The following SHPK variants were observed in gnomAD, a reference collection of about 807,000 sequenced individuals.
SHPK encodes carbohydrate kinase-like protein.
A neutral mutation model predicts 46.3 loss-of-function variants in SHPK; 51 were observed. The ratio of observed to expected loss-of-function variants is 1.10; its 90% CI spans 0.88 to 1.39. The LOEUF (loss-of-function observed/expected upper bound fraction) is 1.39. SHPK is among the 40% of genes most tolerant of loss of function. The pLI is 0.00. For synonymous variants in SHPK, 290 were observed against 273.9 expected, an observed-to-expected ratio of 1.06 and a Z score of -0.58; for missense variants, 668 against 641.3, an observed-to-expected ratio of 1.04 and a Z score of -0.45.
chr17:3,610,809 C>T lies in SHPK; in HGVS notation c.1188G>A (p.Gly396=), dbSNP rs763280158. The T allele has an allele frequency of 6.2e-7, 1 of 1,614,170 alleles. No individual in the cohort carries two copies. Among genetic ancestry groups the T allele is most frequent in the Non-Finnish European group, 8.5e-7 (1 of 1,180,028 alleles). The change falls in exon 7 of 7, where the codon GGG becomes GGA. Residue 396 remains glycine, a synonymous_variant. Coordinates refer to ENST00000225519, the MANE Select transcript of SHPK (RefSeq NM_013276.4). ...CTCGGCACAGAGCCCGGGTCACGTGCCCCAGGGAGAGGTCGGAGGAGGAGA... is the reference window on the plus strand; with the variant it reads ...CTCGGCACAGAGCCCGGGTCACGTGTCCCAGGGAGAGGTCGGAGGAGGAGA... ...TRISSSDLSL[G]HVTRALCRGI...
In SHPK at chr17:3,623,343, C is replaced by G. The variant is rs150857; in HGVS notation, c.643G>C (p.Glu215Gln). Residue 215 changes from glutamate to glutamine, a missense_variant, in exon 4 of 7, where the codon GAG (glutamate) becomes CAG (glutamine). Glu to Gln is a conservative substitution (Grantham distance 29). Transcript: ENST00000225519. The part of the protein sequence containing the change: ...FNTQSQSWNV[E>Q]TLRSSGFPVH... The stretch of plus-strand genomic sequence containing the variant: ...CTGCAAGGATGTGATACTCACGTCT[C>G]TACGTTCCAGCTTTGGCTCTGCGTG... 7 of 1,613,880 alleles carry G rather than the reference C, an allele frequency of 4.3e-6. No individual in the cohort carries two copies. In the Admixed American group the frequency reaches 8.3e-5, roughly 19 times the overall value.
In SHPK at chr17:3,609,811, C is replaced by G. The variant is rs1488597541; in HGVS notation, c.*749G>C. 6.6e-6 allele frequency: 1 copy of G among 152,526 alleles called. No individual in the cohort carries two copies. Among genetic ancestry groups the G allele is most frequent in the East Asian group, 1.9e-4 (1 of 5,202 alleles). The allele number at this position is 152,526 out of a possible 1,614,324, so 9.4% of individuals were successfully genotyped here. A position where few individuals can be genotyped will look rare whatever the true frequency, so the allele number is the denominator to read the frequency against. On this transcript the variant is annotated 3_prime_UTR_variant, in exon 7 of 7. Transcript: ENST00000225519. Reference sequence around the variant, plus strand: ...TGGTGTGAGCTGCACAGCATCGGTCCCCCTTGCTGCTCATGCCATCCGCCT... The same window carrying G: ...TGGTGTGAGCTGCACAGCATCGGTCGCCCTTGCTGCTCATGCCATCCGCCT...
chr17:3,620,976 C>T (rs1391913438), intron 5 of SHPK, among the ~76,000 whole-genome samples: 2 of 152,196 alleles, frequency 1.3e-5, no homozygotes, highest in Non-Finnish European at 2.9e-5. Flanking sequence ...TAGAAAGAGC[C>T]GTTTCTCTCA....
At position 3,623,276 on chromosome 17, in the gene SHPK, T is replaced by C; in HGVS notation, c.647+63A>G. On this transcript the variant is annotated intron_variant, in intron 4 of 6. Transcript: ENST00000225519. The stretch of plus-strand genomic sequence containing the variant: ...GATGGGAAAGCACCCACTGAAGCAC[T>C]GGCTCCGGGGTTGCCCTTCAGATTG... 8 of 1,584,116 alleles carry C rather than the reference T, an allele frequency of 5.1e-6. No individual in the cohort carries two copies. In the South Asian group the frequency reaches 7.8e-5, roughly 15 times the overall value.
chr17:3,630,442 G>C (rs1024691233), intron 1 of SHPK, 96 bp from the exon 2 acceptor site: 1 of 1,288,286 alleles, frequency 7.8e-7, no homozygotes, highest in East Asian at 2.5e-5. Context: ...AATGCAGTGG[G>C]CAGCATCCAC....
In SHPK at chr17:3,608,622, T is replaced by C. The variant is rs2075315763; in HGVS notation, c.*1938A>G. On this transcript the variant is annotated 3_prime_UTR_variant, in exon 7 of 7. Coordinates refer to ENST00000225519, the MANE Select transcript of SHPK (RefSeq NM_013276.4). ...GGAACTGTTTGAAGAATTTTCCATTTAATATTGTCAGACCGTGGTTGACCG... is the reference window on the plus strand; with the variant it reads ...GGAACTGTTTGAAGAATTTTCCATTCAATATTGTCAGACCGTGGTTGACCG... 6.6e-6 allele frequency: 1 copy of C among 152,204 alleles called. No individual in the cohort carries two copies. The allele number at this position is 152,204 out of a possible 1,614,324, so 9.4% of individuals were successfully genotyped here.
At chr17:3,624,841 G>A (rs2150872359) in intron 2 of SHPK, among the ~76,000 whole-genome samples, 1 of 152,176 alleles carries the variant, frequency 6.6e-6, no homozygotes, top group East Asian at 1.9e-4. Context: ...TTTCAGTAGA[G>A]ACAGGGTTTC....
At position 3,610,752 on chromosome 17, in the gene SHPK, C is replaced by T. The variant is rs768549210; in HGVS notation, c.1245G>A (p.Pro415=). The T allele has an allele frequency of 1.1e-5, 18 of 1,614,132 alleles. No individual in the cohort carries two copies. The highest frequency in any genetic ancestry group is 5.5e-5 in the South Asian group (5 of 91,078). Residue 415 remains proline (P), a synonymous_variant, in exon 7 of 7, where the codon CCG becomes CCA. Transcript: ENST00000225519. ...CGCCCCACTCCTGGAGCTGCTGAAT[C>T]GGAAGCATGGAGTGCAGGTTCTGAA... ...GIVQNLHSML[P]IQQLQEWGVE... is the part of the protein sequence containing the mutation.
intron 5 of SHPK, chr17:3,619,612 A>G: frequency 2.6e-6 from 1 of 388,320 alleles, no homozygotes. Flanking sequence ...GTGCGCCTGT[A>G]GTCCCATCTA....
chr17:3,610,564 G>C lies in SHPK; in HGVS notation c.1433C>G (p.Ser478Cys). 6.3e-7 allele frequency: 1 copy of C among 1,596,414 alleles called. No individual in the cohort carries two copies. Reference protein sequence around the residue: ...MLRRHLNQKES With the variant: ...MLRRHLNQKEC Reference sequence around the variant, plus strand: ...TTTGGCGAAAGAGTTTGCTGTCTAAGATTCCTTCTGGTTGAGGTGTCTCCG... The same window carrying C: ...TTTGGCGAAAGAGTTTGCTGTCTAACATTCCTTCTGGTTGAGGTGTCTCCG... The change falls in exon 7 of 7, where the codon TCT becomes TGT. Residue 478 changes from serine to cysteine, a missense_variant. Ser to Cys is a moderately radical substitution (Grantham distance 112, BLOSUM62 -1). Transcript: ENST00000225519.
chr17:3,619,280 A>C, intron 5 of SHPK: 1 of 797,606 alleles, frequency 1.3e-6, no homozygotes, highest in Non-Finnish European at 2.1e-6. Flanking sequence ...CTTTTTCAAT[A>C]AACGTGGCCA....
intron 2 of SHPK, among the ~76,000 whole-genome samples, chr17:3,624,779 G>A (rs1171389531): frequency 2.6e-5 from 4 of 151,880 alleles, no homozygotes; most frequent in African/African-American, 9.7e-5. Context: ...TCAGCCTCCC[G>A]AGTAGCTGAG....
intron 1 of SHPK, among the ~76,000 whole-genome samples, chr17:3,635,820 G>A (rs1446970855): frequency 6.6e-6 from 1 of 152,068 alleles, no homozygotes; most frequent in East Asian, 1.9e-4. Flanking sequence ...AGAAGCCAGA[G>A]AGTCGGGGAG....
intron 2 of SHPK, among the ~76,000 whole-genome samples, chr17:3,627,149 G>C (rs552486450): frequency 6.6e-6 from 1 of 152,176 alleles, no homozygotes; most frequent in South Asian, 2.1e-4. Flanking sequence ...TTCTCTCTTA[G>C]TTACTGGTTC....
chr17:3,635,053 T>A (rs1053629380), intron 1 of SHPK, among the ~76,000 whole-genome samples: 1 of 151,756 alleles, frequency 6.6e-6, no homozygotes, highest in Non-Finnish European at 1.5e-5. Flanking sequence ...ACACCTGTAG[T>A]CCCAGCTACT....
rs1004893000 is a variant in SHPK, at chr17:3,608,558, C to G, written c.*2002G>C. ...TCCCAGATGGCACGGCAGAGACTCT[C>G]CATCACACTGCTCAGAACAATGCAC... On this transcript the variant is annotated 3_prime_UTR_variant, in exon 7 of 7. Transcript: ENST00000225519. 1 of 152,172 alleles carries G rather than the reference C, an allele frequency of 6.6e-6. No individual in the cohort carries two copies. Among genetic ancestry groups the G allele is most frequent in the African/African-American group, 2.4e-5 (1 of 41,422 alleles). 9.4% of individuals were successfully genotyped at this position (152,172 alleles called of 1,614,324 possible).
chr17:3,612,999 C>T (rs1389531604), intron 6 of SHPK, among the ~76,000 whole-genome samples: 1 of 152,176 alleles, frequency 6.6e-6, no homozygotes, highest in African/African-American at 2.4e-5. Flanking sequence ...ATCCGCCCAC[C>T]TCGGCCTCCC....
intron 1 of SHPK, among the ~76,000 whole-genome samples, chr17:3,631,257 G>C (rs1467864023): frequency 6.6e-6 from 1 of 150,378 alleles, no homozygotes; most frequent in Non-Finnish European, 1.5e-5. Flanking sequence ...CAGCCAAGAG[G>C]AAGTGGAAGA....
chr17:3,617,584 G>A (rs1055068281), intron 5 of SHPK, among the ~76,000 whole-genome samples: 2 of 152,118 alleles, frequency 1.3e-5, no homozygotes, highest in African/African-American at 4.8e-5. Flanking sequence ...CAGAACATTT[G>A]CTTTTCTAGA....
Sources: allele counts gnomAD v4.1 joint callset (sites outside exome capture counted in the v4.1 genomes callset), GRCh38; gene constraint gnomAD v4.1.1; transcripts MANE v1.5; gene names NCBI Gene and HGNC (gene_info 2026-07-23, HGNC 2026-07-21).